The following TENT4A variants were observed in gnomAD, a reference collection of about 807,000 sequenced individuals.
TENT4A encodes the protein terminal nucleotidyltransferase 4A.
TENT4A carries 7 observed loss-of-function variants against 72.8 expected under a neutral mutation model. That is an observed-to-expected ratio of 0.10 (90% confidence interval 0.05 to 0.18). The LOEUF is 0.18. Ranked by LOEUF, TENT4A falls within the 10% of genes least tolerant of loss-of-function variation. The pLI is 1.00. For synonymous variants in TENT4A, 456 were observed against 434.3 expected (o/e 1.05, Z -0.62); for missense variants, 831 against 1,017.7 (o/e 0.82, Z 2.50).
chr5:6,723,494 G>A (rs1239354521), intron 1 of TENT4A, among the ~76,000 whole-genome samples: 1 of 152,184 alleles, frequency 6.6e-6, no homozygotes, highest in African/African-American at 2.4e-5. Flanking sequence ...CTCCTGTTTT[G>A]TAGACAGAAA....
intron 3 of TENT4A, among the ~76,000 whole-genome samples, chr5:6,739,446 A>C (rs1741687813): frequency 6.6e-6 from 1 of 152,184 alleles, no homozygotes; most frequent in Non-Finnish European, 1.5e-5. Flanking sequence ...GGGGGCAGGC[A>C]TTTTCATTTG....
intron 11 of TENT4A, among the ~76,000 whole-genome samples, chr5:6,752,489 C>T (rs964165364): frequency 2.0e-5 from 3 of 152,246 alleles, no homozygotes; most frequent in East Asian, 3.9e-4. Flanking sequence ...AACTGCCAGC[C>T]GTCCCACGGC....
At chr5:6,743,881 G>GT (rs1561040988) in intron 6 of TENT4A, 41 bp downstream of exon 6, 1 of 1,601,628 alleles carries the variant, frequency 6.2e-7, no homozygotes, top group African/African-American at 1.3e-5. Flanking sequence ...TGAGACATGT[G>GT]TAAGAGTAGA....
At chr5:6,723,130 A>C (rs1016744975) in intron 1 of TENT4A, among the ~76,000 whole-genome samples, 1 of 152,248 alleles carries the variant, frequency 6.6e-6, no homozygotes, top group Non-Finnish European at 1.5e-5. Flanking sequence ...TTACTCAGCA[A>C]GTTATCACTG....
At chr5:6,730,536 A>C (rs1357964122) in intron 1 of TENT4A, among the ~76,000 whole-genome samples, 1 of 152,200 alleles carries the variant, frequency 6.6e-6, no homozygotes, top group Non-Finnish European at 1.5e-5. Flanking sequence ...TTTCCTCTGC[A>C]GCAGACTGTC....
At position 6,754,981 on chromosome 5, in the gene TENT4A, G is replaced by C. The variant is rs1579507876; in HGVS notation, c.*36G>C. On this transcript the variant is annotated 3_prime_UTR_variant, in exon 13 of 13. Transcript: ENST00000230859. ...CTGCGTCAGCCTCCCCCACCCCTCT[G>C]CAGACTGCCCCGCGGCCTCGGCCAC... The C allele has an allele frequency of 6.6e-7, 1 of 1,526,410 alleles. No individual in the cohort carries two copies. 94.6% of individuals were successfully genotyped at this position (1,526,410 alleles called of 1,614,324 possible).
rs28363360 is a variant in TENT4A at position 6,741,013 on chromosome 5, TGTGCCAAGGG to T, written c.1008+1163_1008+1172del. On this transcript the variant is annotated intron_variant, in intron 4 of 12. Coordinates refer to ENST00000230859, the MANE Select transcript of TENT4A (RefSeq NM_006999.6). ...CGCTGTTGTCTGCTGCTCCTCTGTG[TGTGCCAAGGG>T]GCAGCGGGGAGGTGGGTGGGAATCC... 6.6e-3 allele frequency among the ~76,000 whole-genome samples: 1,005 copies of T among 152,308 alleles called. 4 individuals carry two copies. Among genetic ancestry groups the T allele is most frequent in the African/African-American group, 0.022 (920 of 41,568 alleles).
intron 1 of TENT4A, among the ~76,000 whole-genome samples, chr5:6,720,830 G>A (rs1048745773): frequency 1.6e-4 from 24 of 152,152 alleles, no homozygotes; most frequent in African/African-American, 5.1e-4. Context: ...TCCTATGCAG[G>A]TGGGGGTTGA....
chr5:6,754,840 G>GC lies in TENT4A; in HGVS notation c.2279dup (p.Val761CysfsTer10). ...GCTCTGTGGGTAGCGGAGGTGTGCGGCCCCCTGTGGGCAACAGGGGACACC... is the reference window on the plus strand; with the variant it reads ...GCTCTGTGGGTAGCGGAGGTGTGCGGCCCCCCTGTGGGCAACAGGGGACACC... On this transcript the variant is annotated frameshift_variant, in exon 13 of 13. Transcript: ENST00000230859. LOFTEE classifies it high-confidence loss of function. 1 of 1,609,850 alleles carries GC rather than the reference G, an allele frequency of 6.2e-7. No individual in the cohort carries two copies. The highest frequency in any genetic ancestry group is 8.5e-7 in the Non-Finnish European group (1 of 1,177,082).
intron 1 of TENT4A, among the ~76,000 whole-genome samples, chr5:6,715,514 A>G (rs1740327730): frequency 6.6e-6 from 1 of 152,140 alleles, no homozygotes; most frequent in African/African-American, 2.4e-5. Flanking sequence ...GAGCGTCTGG[A>G]AGCAATTTAT....
intron 1 of TENT4A, among the ~76,000 whole-genome samples, chr5:6,731,315 G>A (rs77132997): frequency 0.019 from 2,857 of 152,298 alleles, 36 homozygotes; most frequent in South Asian, 0.049. Context: ...TAATGGAAAA[G>A]ACTGGGAACT....
At chr5:6,751,999 C>G (rs558477607) in intron 11 of TENT4A, among the ~76,000 whole-genome samples, 1 of 152,176 alleles carries the variant, frequency 6.6e-6, no homozygotes, top group African/African-American at 2.4e-5. Context: ...AGCCATGGCC[C>G]AGCCGGACAC....
At chr5:6,731,983 G>T (rs138919520) in intron 1 of TENT4A, among the ~76,000 whole-genome samples, 1 of 152,204 alleles carries the variant, frequency 6.6e-6, no homozygotes, top group Admixed American at 6.5e-5. Flanking sequence ...TGGCTTCTGG[G>T]CTATGACCTT....
chr5:6,740,254 T>C (rs1418619673), intron 4 of TENT4A, among the ~76,000 whole-genome samples: 4 of 152,210 alleles, frequency 2.6e-5, no homozygotes, highest in African/African-American at 4.8e-5. Flanking sequence ...TGCTATGTTA[T>C]GTTAAAGAGG....
intron 1 of TENT4A, among the ~76,000 whole-genome samples, chr5:6,721,308 C>A (rs1740634640): frequency 6.6e-6 from 1 of 152,160 alleles, no homozygotes; most frequent in South Asian, 2.1e-4. Flanking sequence ...TGTTGTTTGT[C>A]TTAGAATTTT....
chr5:6,743,207 C>T (rs1451407752), intron 5 of TENT4A, among the ~76,000 whole-genome samples: 1 of 152,186 alleles, frequency 6.6e-6, no homozygotes, highest in Non-Finnish European at 1.5e-5. Flanking sequence ...TTTTCAAGGG[C>T]CTTGCTCTTC....
chr5:6,719,585 G>A (rs535399610), intron 1 of TENT4A, among the ~76,000 whole-genome samples: 6 of 152,178 alleles, frequency 3.9e-5, no homozygotes, highest in South Asian at 2.1e-4. Flanking sequence ...GGCAAGCCTC[G>A]CCCTCTTCGA....
chr5:6,744,404 A>T (rs1368618742), intron 6 of TENT4A, among the ~76,000 whole-genome samples: 1 of 152,262 alleles, frequency 6.6e-6, no homozygotes, highest in Non-Finnish European at 1.5e-5. Context: ...CTTTTTAAAC[A>T]TATAAAATCA....
chr5:6,735,754 TCTTA>T (rs1219082029), intron 1 of TENT4A, among the ~76,000 whole-genome samples: 3 of 150,974 alleles, frequency 2.0e-5, no homozygotes, highest in African/African-American at 4.9e-5. Flanking sequence ...TGAGGTTTTT[TCTTA>T]CTTTTTTTTT....
Sources: gnomAD v4.1 joint callset for allele counts (sites outside exome capture counted in the v4.1 genomes callset) on GRCh38, gnomAD v4.1.1 for gene constraint, MANE v1.5 for transcripts, NCBI Gene and HGNC (gene_info 2026-07-23, HGNC 2026-07-21) for gene names.